The following PLEKHA6 variants were observed in gnomAD, a reference collection of about 807,000 sequenced individuals.
The protein encoded by PLEKHA6 is pleckstrin homology domain containing A6.
A neutral mutation model predicts 116.7 loss-of-function variants in PLEKHA6; 60 were observed. The ratio of observed to expected loss-of-function variants is 0.51; its 90% CI spans 0.42 to 0.64. PLEKHA6 has a LOEUF of 0.64. Among genes scored for constraint, PLEKHA6 ranks in the 30% least tolerant of loss-of-function variants. The pLI, the probability that PLEKHA6 is intolerant of heterozygous loss-of-function variation, is 0.00. For missense variants in PLEKHA6, 1,338 were observed against 1,422.7 expected, an observed-to-expected ratio of 0.94 and a Z score of 0.96; for synonymous variants, 489 against 556.1, an observed-to-expected ratio of 0.88 and a Z score of 1.70.
At chr1:204,232,016 G>A (rs1002812534) in intron 17 of PLEKHA6, among the ~76,000 whole-genome samples, 20 of 152,162 alleles carry the variant, frequency 1.3e-4, no homozygotes, top group Non-Finnish European at 2.9e-5. Context: ...TGGAATGCTG[G>A]TAGAAATATG....
chr1:204,268,264 A>C lies in PLEKHA6; in HGVS notation c.151T>G (p.Ser51Ala). 6.2e-7 allele frequency: 1 copy of C among 1,612,582 alleles called. No homozygotes were observed. Among genetic ancestry groups the C allele is most frequent in the Non-Finnish European group, 8.5e-7 (1 of 1,179,428 alleles). The change falls in exon 4 of 23, where the codon TCC becomes GCC. Residue 51 changes from serine (S) to alanine (A), a missense_variant. Transcript: ENST00000272203. ...GGTGCATTGGGGTTCCGCTTCATGGAGTGTGAGCGCTTGCCAAAGGCGACG... is the reference window on the plus strand; with the variant it reads ...GGTGCATTGGGGTTCCGCTTCATGGCGTGTGAGCGCTTGCCAAAGGCGACG... Reference protein sequence around the residue: ...KAVAFGKRSHSMKRNPNAPVT... With the variant: ...KAVAFGKRSHAMKRNPNAPVT...
At chr1:204,364,586 C>CCAT (rs1355505054), upstream of PLEKHA6, among the ~76,000 whole-genome samples, 4 of 152,156 alleles carry the variant, frequency 2.6e-5, no homozygotes, top group Non-Finnish European at 4.4e-5. Context: ...GCGGCTGCTG[C>CCAT]TATGATATAC....
intron 1 of PLEKHA6, among the ~76,000 whole-genome samples, chr1:204,297,419 A>T (rs1670388918): frequency 6.6e-6 from 1 of 152,036 alleles, no homozygotes. Flanking sequence ...GTCCTGGGGG[A>T]GTTGATATCA....
chr1:204,355,996 C>CAA (rs1169426894), intron 1 of PLEKHA6, among the ~76,000 whole-genome samples: 2 of 67,794 alleles, frequency 3.0e-5, no homozygotes, highest in African/African-American at 1.1e-4. Flanking sequence ...CACACACACA[C>CAA]ACACAAAAAA....
chr1:204,352,612 A>C (rs767755084), intron 1 of PLEKHA6, among the ~76,000 whole-genome samples: 1 of 152,116 alleles, frequency 6.6e-6, no homozygotes, highest in Non-Finnish European at 1.5e-5. Flanking sequence ...GGCCACCAAC[A>C]TATGTAGCAT....
At chr1:204,288,697 C>A (rs1203119067) in intron 1 of PLEKHA6, among the ~76,000 whole-genome samples, 2 of 152,152 alleles carry the variant, frequency 1.3e-5, no homozygotes, top group Admixed American at 6.5e-5. Context: ...ATTCTTGAAG[C>A]TTTCTAAGCA....
chr1:204,250,519 G>A (rs781677693), intron 10 of PLEKHA6, 27 bp downstream of exon 10: 102 of 1,554,872 alleles, frequency 6.6e-5, no homozygotes, highest in Middle Eastern at 1.7e-4. Context: ...TGGAGTGGAG[G>A]GAGGGAGCAG....
intron 1 of PLEKHA6, among the ~76,000 whole-genome samples, chr1:204,334,266 A>G (rs1422825213): frequency 6.6e-6 from 1 of 152,162 alleles, no homozygotes; most frequent in Non-Finnish European, 1.5e-5. Flanking sequence ...GGGAGAGGCA[A>G]CAAGATGAGT....
At chr1:204,231,051 A>G (rs1661116246) in intron 17 of PLEKHA6, among the ~76,000 whole-genome samples, 2 of 152,200 alleles carry the variant, frequency 1.3e-5, no homozygotes, top group Admixed American at 1.3e-4. Flanking sequence ...ATACACTTCT[A>G]CTGTTTTAAG....
At chr1:204,226,940 C>CACTT (rs573529087) in intron 21 of PLEKHA6, among the ~76,000 whole-genome samples, 26 of 152,342 alleles carry the variant, frequency 1.7e-4, no homozygotes, top group African/African-American at 6.3e-4. Flanking sequence ...ATGTATTGAG[C>CACTT]ACTTACTGAA....
intron 1 of PLEKHA6, among the ~76,000 whole-genome samples, chr1:204,298,431 A>G (rs927604337): frequency 4.1e-4 from 62 of 152,316 alleles, no homozygotes; most frequent in Middle Eastern, 6.8e-3. Flanking sequence ...GTACCTGAGG[A>G]GGGGTCGGGG....
At chr1:204,320,882 T>A (rs1672038356) in intron 1 of PLEKHA6, among the ~76,000 whole-genome samples, 1 of 152,164 alleles carries the variant, frequency 6.6e-6, no homozygotes, top group Non-Finnish European at 1.5e-5. Flanking sequence ...GCCTGCCTGA[T>A]CTCTTTTGAA....
Position 204,309,591 on chromosome 1 carries a change from C to T in PLEKHA6, c.-94-34782G>A, listed in dbSNP as rs545491560. On this transcript the variant is annotated intron_variant, in intron 1 of 22. Coordinates refer to ENST00000272203, the MANE Select transcript of PLEKHA6 (RefSeq NM_014935.5). ...AGGCTATACCACCTGGGCTTGTGTA[C>T]GTACACTGTCATGTTCGCATGACAA... 2.5e-5 allele frequency: 6 copies of T among 237,370 alleles called. No homozygotes were observed. The East Asian group carries it at 7.2e-4, about 29-fold the overall frequency. 14.7% of individuals were successfully genotyped at this position (237,370 alleles called of 1,614,324 possible). A position where few individuals can be genotyped will look rare whatever the true frequency, so the allele number is the denominator to read the frequency against.
intron 18 of PLEKHA6, among the ~76,000 whole-genome samples, chr1:204,229,449 T>C (rs1369543375): frequency 1.3e-5 from 2 of 152,232 alleles, no homozygotes; most frequent in Admixed American, 1.3e-4. Flanking sequence ...AGTGTCTTGC[T>C]GTCACTCTAG....
Position 204,317,830 on chromosome 1 carries a change from A to G in PLEKHA6, c.-95+41864T>C, listed in dbSNP as rs142780258. Among the ~76,000 whole-genome samples, 260 of 152,364 alleles carry G rather than the reference A, an allele frequency of 1.7e-3. 1 individual carries two copies. The highest frequency in any genetic ancestry group is 6.0e-3 in the African/African-American group (250 of 41,588). ...TTTTGTTAAAACACACACACACAAT[A>G]TGAGAATCCTGACTCAGCCACTTAA... On this transcript the variant is annotated intron_variant, in intron 1 of 22. Coordinates refer to ENST00000272203, the MANE Select transcript of PLEKHA6 (RefSeq NM_014935.5).
intron 3 of PLEKHA6, among the ~76,000 whole-genome samples, chr1:204,271,996 C>T: frequency 6.6e-6 from 1 of 151,970 alleles, no homozygotes; most frequent in Middle Eastern, 3.4e-3. Context: ...TGTGCTGCAC[C>T]CATTGACTTA....
chr1:204,360,747 C>G (rs1673541066), upstream of PLEKHA6, among the ~76,000 whole-genome samples: 1 of 151,796 alleles, frequency 6.6e-6, no homozygotes, highest in Non-Finnish European at 1.5e-5. Flanking sequence ...TAGCTCCTGC[C>G]CAAATCGGTC....
chr1:204,253,549 C>G (rs1664847726), intron 9 of PLEKHA6, among the ~76,000 whole-genome samples: 1 of 152,170 alleles, frequency 6.6e-6, no homozygotes, highest in Non-Finnish European at 1.5e-5. Flanking sequence ...ACTTGGCCAG[C>G]TACAGTGGCT....
Position 204,269,211 on chromosome 1 carries a change from T to C in PLEKHA6, c.103-899A>G, listed in dbSNP as rs543103919. 2.6e-5 allele frequency among the ~76,000 whole-genome samples: 4 copies of C among 151,322 alleles called. No individual in the cohort carries two copies. The East Asian group carries it at 7.8e-4, about 30-fold the overall frequency. ...ACTCAACACCAGCTTTTCTACTCCATTGAGGTCCCCAGCTCCTCAATTCTT... is the reference window on the plus strand; with the variant it reads ...ACTCAACACCAGCTTTTCTACTCCACTGAGGTCCCCAGCTCCTCAATTCTT... On this transcript the variant is annotated intron_variant, in intron 3 of 22. Coordinates refer to ENST00000272203, the MANE Select transcript of PLEKHA6 (RefSeq NM_014935.5).
Sources: gnomAD v4.1 joint callset for allele counts (sites outside exome capture counted in the v4.1 genomes callset) on GRCh38, gnomAD v4.1.1 for gene constraint, MANE v1.5 for transcripts, NCBI Gene and HGNC (gene_info 2026-07-23, HGNC 2026-07-21) for gene names.